Variants in TBC1D5 observed in about 807,000 individuals in gnomAD.
TBC1D5 encodes TBC1 domain family, member 5.
In TBC1D5, 75 loss-of-function variants were observed where a neutral mutation model predicts 100.3. The ratio of observed to expected loss-of-function variants is 0.75; its 90% confidence interval spans 0.62 to 0.91. TBC1D5 has a LOEUF of 0.91. Ranked by LOEUF, TBC1D5 falls within the 40% of genes least tolerant of loss-of-function variation. The probability of loss-of-function intolerance (pLI) is 0.00; values close to 1 mark genes in which losing one functional copy is unlikely to be tolerated. For missense variants in TBC1D5, 910 were observed against 942.4 expected, an observed-to-expected ratio of 0.97 and a Z score of 0.45; for synonymous variants, 323 against 325.6, an observed-to-expected ratio of 0.99 and a Z score of 0.09.
intron 2 of TBC1D5, among the ~76,000 whole-genome samples, chr3:17,604,911 A>G (rs2153602157): frequency 6.6e-6 from 1 of 152,256 alleles, no homozygotes; most frequent in South Asian, 2.1e-4. Flanking sequence ...CCGGGCCTCA[A>G]GCGATCCACC....
chr3:17,556,187 T>A (rs545546842), intron 2 of TBC1D5, among the ~76,000 whole-genome samples: 1 of 152,114 alleles, frequency 6.6e-6, no homozygotes, highest in South Asian at 2.1e-4. Context: ...GCTAGTTTTT[T>A]TGTATTTTTA....
At chr3:17,436,984 T>A (rs538763359) in intron 3 of TBC1D5, among the ~76,000 whole-genome samples, 7 of 152,212 alleles carry the variant, frequency 4.6e-5, no homozygotes, top group Admixed American at 2.6e-4. Context: ...GGAAACTTAA[T>A]ACACAATGCA....
intron 1 of TBC1D5, among the ~76,000 whole-genome samples, chr3:17,668,953 T>C (rs953224570): frequency 1.3e-5 from 2 of 152,162 alleles, no homozygotes; most frequent in African/African-American, 4.8e-5. Context: ...GGCAAGTAGT[T>C]TACCCTCTTT....
intron 1 of TBC1D5, among the ~76,000 whole-genome samples, chr3:17,723,731 T>C (rs186582947): frequency 2.4e-4 from 37 of 152,258 alleles, no homozygotes; most frequent in African/African-American, 8.2e-4. Flanking sequence ...ATAAAATACA[T>C]GTAGATACCA....
At chr3:17,388,990 ATTC>A (rs1211173799) in intron 8 of TBC1D5, among the ~76,000 whole-genome samples, 3 of 152,176 alleles carry the variant, frequency 2.0e-5, no homozygotes, top group African/African-American at 7.2e-5. Flanking sequence ...CTGTCTAAAA[ATTC>A]TTAACACTTT....
At chr3:17,623,694 A>G (rs1353186919) in intron 2 of TBC1D5, 155 bp downstream of exon 2, 1 of 152,248 alleles carries the variant, frequency 6.6e-6, no homozygotes, top group Non-Finnish European at 1.5e-5. Context: ...CCAACCAAAA[A>G]AGACATGTAT....
At chr3:17,473,473 T>C (rs908245985) in intron 3 of TBC1D5, among the ~76,000 whole-genome samples, 17 of 152,218 alleles carry the variant, frequency 1.1e-4, no homozygotes, top group Non-Finnish European at 2.4e-4. Context: ...TCATCCTTTA[T>C]GTATTTTAAC....
At chr3:17,370,692 GTTA>G (rs2092407270) in intron 13 of TBC1D5, among the ~76,000 whole-genome samples, 1 of 152,070 alleles carries the variant, frequency 6.6e-6, no homozygotes, top group Admixed American at 6.6e-5. Flanking sequence ...ACAGCTGAGA[GTTA>G]TTATTCATGG....
chr3:17,663,129 G>C (rs2066828384), intron 1 of TBC1D5: 1 of 151,866 alleles, frequency 6.6e-6, no homozygotes, highest in Non-Finnish European at 1.5e-5. Flanking sequence ...CCAATACATA[G>C]AAAATACAGA....
At chr3:17,186,034 G>GTT (rs1352828832) in intron 18 of TBC1D5, among the ~76,000 whole-genome samples, 6 of 134,734 alleles carry the variant, frequency 4.5e-5, no homozygotes, top group Non-Finnish European at 4.8e-5. Context: ...GATTATCGGA[G>GTT]TTTTTTTTTT....
intron 18 of TBC1D5, among the ~76,000 whole-genome samples, chr3:17,191,838 G>A (rs1312527878): frequency 2.6e-5 from 4 of 151,750 alleles, no homozygotes; most frequent in African/African-American, 9.7e-5. Flanking sequence ...TGGTCAGGCT[G>A]GTCACAAACT....
At chr3:17,318,448 A>G (rs1415044180) in intron 13 of TBC1D5, among the ~76,000 whole-genome samples, 6 of 152,172 alleles carry the variant, frequency 3.9e-5, no homozygotes, top group Non-Finnish European at 7.3e-5. Context: ...TTAAAAGCAA[A>G]TGGTCTGTGG....
At chr3:17,219,838 A>C (rs1313529910) in intron 17 of TBC1D5, among the ~76,000 whole-genome samples, 8 of 152,038 alleles carry the variant, frequency 5.3e-5, no homozygotes, top group Admixed American at 4.6e-4. Context: ...CCTTTGGTTA[A>C]CTTCCAGAGT....
chr3:17,724,866 A>C (rs1314378176), intron 1 of TBC1D5, among the ~76,000 whole-genome samples: 1 of 151,578 alleles, frequency 6.6e-6, no homozygotes, highest in African/African-American at 2.4e-5. Flanking sequence ...TAATTTCTTC[A>C]CTCATATATC....
chr3:17,338,603 G>C (rs550280324), intron 13 of TBC1D5: 2 of 152,284 alleles, frequency 1.3e-5, no homozygotes, highest in East Asian at 3.9e-4. Flanking sequence ...ATATGGAGAT[G>C]AGTATATTTT....
chr3:17,533,110 C>T (rs1397408011), intron 2 of TBC1D5, among the ~76,000 whole-genome samples: 1 of 149,930 alleles, frequency 6.7e-6, no homozygotes, highest in Non-Finnish European at 1.5e-5. Flanking sequence ...CACACACTTC[C>T]AATTAGTTAC....
chr3:17,302,557 T>A (rs2082966656), intron 14 of TBC1D5, among the ~76,000 whole-genome samples: 1 of 152,188 alleles, frequency 6.6e-6, no homozygotes, highest in South Asian at 2.1e-4. Context: ...ATGCAGTGAA[T>A]CTTATCTATT....
At chr3:17,476,548 G>T (rs1576236485) in intron 3 of TBC1D5, among the ~76,000 whole-genome samples, 1 of 151,220 alleles carries the variant, frequency 6.6e-6, no homozygotes. Flanking sequence ...AAATGTGCAT[G>T]TTTTTTTTCA....
intron 3 of TBC1D5, among the ~76,000 whole-genome samples, chr3:17,507,827 C>T (rs1415557744): frequency 1.3e-5 from 2 of 152,072 alleles, no homozygotes; most frequent in African/African-American, 2.4e-5. Context: ...AACTCAATTG[C>T]TTCTGTCTAA....
Sources: gnomAD v4.1 joint callset for allele counts (sites outside exome capture counted in the v4.1 genomes callset) on GRCh38, gnomAD v4.1.1 for gene constraint, MANE v1.5 for transcripts, NCBI Gene and HGNC (gene_info 2026-07-23, HGNC 2026-07-21) for gene names.